The following TSHR variants were observed in gnomAD, a reference collection of about 807,000 sequenced individuals.
The protein encoded by TSHR is thyrotropin receptor.
In TSHR, 51 loss-of-function variants were observed where a neutral mutation model predicts 64.1. That is an observed-to-expected ratio of 0.80 (90% CI 0.64 to 1.01). The LOEUF (loss-of-function observed/expected upper bound fraction) is 1.01, where lower values mean the gene tolerates loss of function less well. Among genes scored for constraint, TSHR ranks in the 50% least tolerant of loss-of-function variants. TSHR has a pLI of 0.00. For synonymous variants in TSHR, 361 were observed against 361.9 expected (o/e 1.00, Z 0.03); for missense variants, 877 against 942.8 (o/e 0.93, Z 0.91).
rs549582717 is a variant in TSHR at position 81,114,508 on chromosome 14, G to A, written c.692+6056G>A. Among the ~76,000 whole-genome samples, 360 of 152,212 alleles carry A rather than the reference G, an allele frequency of 2.4e-3. 4 individuals are homozygous for A. The highest frequency in any genetic ancestry group is 8.3e-3 in the African/African-American group (344 of 41,542). ...ACGGCGCACCACGAGATTATATCCC[G>A]CACCTGGCTCGGAGGGTCCTACGCC... On this transcript the variant is annotated intron_variant, in intron 8 of 9. Coordinates refer to ENST00000298171, the MANE Select transcript of TSHR (RefSeq NM_000369.5).
In TSHR at chr14:80,969,597, T is replaced by C. The variant is rs556342062; in HGVS notation, c.170+13747T>C. 6.6e-4 allele frequency among the ~76,000 whole-genome samples: 100 copies of C among 152,334 alleles called. 2 individuals are homozygous for C. Among genetic ancestry groups the C allele is most frequent in the African/African-American group, 2.2e-3 (90 of 41,578 alleles). ...TTGGTCATTTACAGGAGAAGTATCT[T>C]GATTAGACTTGATGAAAAGGAGCCC... On this transcript the variant is annotated intron_variant, in intron 1 of 9. Transcript: ENST00000298171.
intron 8 of TSHR, 62 bp downstream of exon 8, chr14:81,108,514 A>C (rs1890063215): frequency 7.3e-7 from 1 of 1,370,398 alleles, no homozygotes; most frequent in Non-Finnish European, 1.0e-6. Context: ...TTTTGGAATA[A>C]ATGGAGACAT....
chr14:80,955,994 A>ATG, intron 1 of TSHR, 144 bp downstream of exon 1: 7 of 994,844 alleles, frequency 7.0e-6, no homozygotes, highest in South Asian at 2.8e-5. Context: ...GTGTGTGTAG[A>ATG]TGTGTGTGTG....
At chr14:81,100,362 A>G (rs924239486) in intron 7 of TSHR, among the ~76,000 whole-genome samples, 1 of 152,178 alleles carries the variant, frequency 6.6e-6, no homozygotes, top group African/African-American at 2.4e-5. Context: ...ATAGGTAGGA[A>G]AAAAATCAAG....
chr14:81,017,604 A>T (rs1883484859), intron 1 of TSHR, among the ~76,000 whole-genome samples: 1 of 152,322 alleles, frequency 6.6e-6, no homozygotes, highest in East Asian at 1.9e-4. Flanking sequence ...GTGGAATCAG[A>T]ACACTGGGAA....
chr14:81,016,730 C>G lies in TSHR; in HGVS notation c.171-45418C>G, dbSNP rs147369060. Among the ~76,000 whole-genome samples the G allele has an allele frequency of 2.1e-3, 321 of 152,210 alleles. 2 individuals carry two copies. The highest frequency in any genetic ancestry group is 0.017 in the Middle Eastern group (5 of 294). On this transcript the variant is annotated intron_variant, in intron 1 of 9. Transcript: ENST00000298171. ...CCATTGTTTTCTTCAAGATCAATGT[C>G]AAAGAGGTTTTCCTTTCTGTTTTCT... is the stretch of plus-strand genomic sequence containing the variant.
At chr14:81,106,341 TC>T (rs1274004509) in intron 7 of TSHR, among the ~76,000 whole-genome samples, 2 of 152,222 alleles carry the variant, frequency 1.3e-5, no homozygotes, top group African/African-American at 4.8e-5. Flanking sequence ...TATGATTTTT[TC>T]TTTAAAGCAA....
chr14:81,011,583 CAT>C (rs1364734773), intron 1 of TSHR, among the ~76,000 whole-genome samples: 4 of 151,898 alleles, frequency 2.6e-5, no homozygotes, highest in Non-Finnish European at 4.4e-5. Context: ...AATTTTGCTA[CAT>C]GTTTATCTAT....
intron 1 of TSHR, chr14:80,982,257 C>A: frequency 1.4e-6 from 1 of 704,182 alleles, no homozygotes; most frequent in Non-Finnish European, 2.3e-6. Flanking sequence ...ATTTCAGTCC[C>A]GAGGCTGGGA....
intron 1 of TSHR, among the ~76,000 whole-genome samples, chr14:81,029,448 C>G (rs1030194310): frequency 6.6e-6 from 1 of 151,754 alleles, no homozygotes; most frequent in Non-Finnish European, 1.5e-5. Context: ...GGAAGGGGAG[C>G]GAAAAGAGAG....
intron 1 of TSHR, chr14:80,983,190 T>G (rs3783947): frequency 8.6e-7 from 1 of 1,160,980 alleles, no homozygotes; most frequent in Non-Finnish European, 1.2e-6. Context: ...TGAAAGACAA[T>G]GCAAAATTGA....
intron 1 of TSHR, among the ~76,000 whole-genome samples, chr14:81,018,289 C>T (rs540574004): frequency 2.0e-5 from 3 of 152,246 alleles, no homozygotes; most frequent in South Asian, 2.1e-4. Context: ...CCTTAACCTG[C>T]CTGAATACTT....
At chr14:81,118,711 C>G (rs1193566656) in intron 8 of TSHR, among the ~76,000 whole-genome samples, 1 of 152,166 alleles carries the variant, frequency 6.6e-6, no homozygotes, top group Non-Finnish European at 1.5e-5. Flanking sequence ...AAAGAGCCCG[C>G]ATCGCCAAGT....
chr14:81,044,657 C>CAAA lies in TSHR; in HGVS notation c.171-17476_171-17474dup, dbSNP rs147382752. Among the ~76,000 whole-genome samples, 125 of 113,474 alleles carry CAAA rather than the reference C, an allele frequency of 1.1e-3. 1 individual carries two copies. The highest frequency in any genetic ancestry group is 4.2e-3 in the East Asian group (15 of 3,606). 74.4% of individuals were successfully genotyped at this position (113,474 alleles called of 152,430 possible). ...TGGGCGACAGAGCAAGACTCTGTCT[C>CAAA]AAAAAAAAAAAAAAAAACACACACA... On this transcript the variant is annotated intron_variant, in intron 1 of 9. Coordinates refer to ENST00000298171, the MANE Select transcript of TSHR (RefSeq NM_000369.5).
chr14:81,045,982 T>C (rs924971598), intron 1 of TSHR, among the ~76,000 whole-genome samples: 3 of 152,212 alleles, frequency 2.0e-5, no homozygotes, highest in African/African-American at 7.2e-5. Context: ...TATTCACTTG[T>C]CTGCTGCCTT....
intron 8 of TSHR, among the ~76,000 whole-genome samples, chr14:81,128,687 G>A (rs1417443498): frequency 6.6e-6 from 1 of 152,112 alleles, no homozygotes; most frequent in African/African-American, 2.4e-5. Flanking sequence ...CACATGGCAT[G>A]TTCCCACCTT....
chr14:81,110,705 CAT>C (rs1890187910), intron 8 of TSHR, among the ~76,000 whole-genome samples: 1 of 152,200 alleles, frequency 6.6e-6, no homozygotes, highest in South Asian at 2.1e-4. Flanking sequence ...TCATTAAAAA[CAT>C]GTATTTAATT....
chr14:81,037,862 C>T (rs1187770782), intron 1 of TSHR, among the ~76,000 whole-genome samples: 1 of 149,132 alleles, frequency 6.7e-6, no homozygotes, highest in Admixed American at 6.7e-5. Context: ...ATACAGACTG[C>T]AATACAATAA....
Position 81,145,034 on chromosome 14 carries a change from G to A in TSHR, c.*681G>A, listed in dbSNP as rs141432277. 117 of 233,308 alleles carry A rather than the reference G, an allele frequency of 5.0e-4. No individual in the cohort carries two copies. The highest frequency in any genetic ancestry group is 2.4e-3 in the African/African-American group (107 of 45,474). The allele number at this position is 233,308 out of a possible 1,614,324, so 14.5% of individuals were successfully genotyped here. On this transcript the variant is annotated 3_prime_UTR_variant, in exon 10 of 10. Transcript: ENST00000298171. ...GCCTGGAAAAACTGGCAAGATTTCA[G>A]CTTATGTGGCCTAGCAAACTAAGAA...
Sources: allele counts gnomAD v4.1 joint callset (sites outside exome capture counted in the v4.1 genomes callset), GRCh38; gene constraint gnomAD v4.1.1; transcripts MANE v1.5; gene names NCBI Gene and HGNC (gene_info 2026-07-23, HGNC 2026-07-21).